Variants in NMNAT1 observed in about 807,000 individuals in gnomAD.
NMNAT1 encodes the protein nicotinamide nucleotide adenylyltransferase 1, also known as nicotinamide/nicotinic acid mononucleotide adenylyltransferase 1.
A neutral mutation model predicts 16.7 loss-of-function variants in NMNAT1; 11 were observed. The observed-to-expected ratio is 0.66, with a 90% CI of 0.41 to 1.09. NMNAT1 has a LOEUF of 1.09. NMNAT1 is among the 50% of genes least tolerant of loss of function. The pLI, the probability that NMNAT1 is intolerant of heterozygous loss-of-function variation, is 0.00. For missense variants in NMNAT1, 280 were observed against 332.3 expected (o/e 0.84, Z 1.22); for synonymous variants, 110 against 119.8 (o/e 0.92, Z 0.53).
chr1:9,956,479 T>C (rs567409253), intron 1 of NMNAT1, among the ~76,000 whole-genome samples: 1 of 149,632 alleles, frequency 6.7e-6, no homozygotes, highest in East Asian at 2.0e-4. Context: ...TGGAGTGCAG[T>C]TGTATGATCT....
intron 1 of NMNAT1, chr1:9,951,129 C>T (rs1641099652): frequency 1.3e-5 from 2 of 151,812 alleles, no homozygotes; most frequent in African/African-American, 2.4e-5. Context: ...TAATATTCTC[C>T]TTGCAACATC....
intron 1 of NMNAT1, among the ~76,000 whole-genome samples, chr1:9,946,721 G>A (rs1332640305): frequency 1.3e-5 from 2 of 152,088 alleles, no homozygotes; most frequent in Non-Finnish European, 1.5e-5. Flanking sequence ...GTTAAATGAG[G>A]TCATAAGTGT....
chr1:9,955,319 G>A (rs189085029), intron 1 of NMNAT1, among the ~76,000 whole-genome samples: 41 of 147,514 alleles, frequency 2.8e-4, no homozygotes, highest in East Asian at 1.0e-3. Flanking sequence ...CAGGAGAATC[G>A]CTTGAACCCG....
chr1:9,990,037 GCCAGCGCCAAAGTGGCTGGCTAGTT>G (rs963450564), downstream of NMNAT1, among the ~76,000 whole-genome samples: 2 of 152,216 alleles, frequency 1.3e-5, no homozygotes, highest in African/African-American at 2.4e-5. Context: ...AATGGCCCCT[GCCAGCGCCAAAGTGGCTGGCTAGTT>G]CCAGCGCCCC....
chr1:9,951,997 A>G (rs1434219083), intron 1 of NMNAT1, among the ~76,000 whole-genome samples: 1 of 152,146 alleles, frequency 6.6e-6, no homozygotes, highest in Non-Finnish European at 1.5e-5. Flanking sequence ...AAACTTTCAG[A>G]TTAAGATAAG....
chr1:9,987,411 A>C (rs561432304), downstream of NMNAT1, among the ~76,000 whole-genome samples: 71 of 151,912 alleles, frequency 4.7e-4, no homozygotes, highest in African/African-American at 1.5e-3. Flanking sequence ...GAGGCCGAGG[A>C]GGGCAGATCA....
At chr1:9,974,758 A>G (rs980909586) in intron 2 of NMNAT1, among the ~76,000 whole-genome samples, 1 of 151,852 alleles carries the variant, frequency 6.6e-6, no homozygotes, top group African/African-American at 2.4e-5. Flanking sequence ...TCCTGGGCTC[A>G]AGTGATTCTC....
At position 9,982,166 on chromosome 1, in the gene NMNAT1, G is replaced by A. The variant is rs368673888; in HGVS notation, c.440-135G>A. On this transcript the variant is annotated intron_variant, in intron 4 of 4. Transcript: ENST00000377205. ...GCTAGAGCCACCGCACTCGGCCTAA[G>A]CCCTCATCCTTGAAAAGCACATACG... 1.5e-4 allele frequency: 176 copies of A among 1,210,444 alleles called. 1 individual carries two copies. In the African/African-American group the frequency reaches 2.3e-3, roughly 16 times the overall value. The allele number at this position is 1,210,444 out of a possible 1,614,324, so 75.0% of individuals were successfully genotyped here.
chr1:9,987,376 C>T (rs1334794596), downstream of NMNAT1, among the ~76,000 whole-genome samples: 1 of 152,022 alleles, frequency 6.6e-6, no homozygotes, highest in African/African-American at 2.4e-5. Flanking sequence ...CGCAGTGGCT[C>T]ACGCCTGTAA....
At position 9,970,418 on chromosome 1, in the gene NMNAT1, G is replaced by C. The variant is rs191615885; in HGVS notation, c.-56-1600G>C. Reference sequence around the variant, plus strand: ...TAGTTGAATAAGAAATTTTAGGCCAGGCGCAGTGGCTCACGCCTGTAATCC... The same window carrying C: ...TAGTTGAATAAGAAATTTTAGGCCACGCGCAGTGGCTCACGCCTGTAATCC... On this transcript the variant is annotated intron_variant, in intron 1 of 4. Transcript: ENST00000377205. 2.8e-3 allele frequency among the ~76,000 whole-genome samples: 426 copies of C among 152,236 alleles called. 2 individuals are homozygous for C. Among genetic ancestry groups the C allele is most frequent in the Non-Finnish European group, 4.6e-3 (315 of 68,020 alleles).
chr1:9,975,717 G>T lies in NMNAT1; in HGVS notation c.241G>T (p.Glu81Ter). The stretch of plus-strand genomic sequence containing the variant: ...TGCTACCAAGAATTCTAAATGGGTG[G>T]AAGTTGATACATGGGAAAGTCTTCA... ...ELATKNSKWV[E>*]VDTWESLQKE... Residue 81 changes from glutamate (E) to a stop codon, truncating the protein, a stop_gained, in exon 3 of 5, where the codon GAA becomes TAA. Transcript: ENST00000377205. LOFTEE classifies it high-confidence loss of function. 1 of 1,614,112 alleles carries T rather than the reference G, an allele frequency of 6.2e-7. No individual in the cohort carries two copies. Among genetic ancestry groups the T allele is most frequent in the African/African-American group, 1.3e-5 (1 of 75,050 alleles).
At position 9,985,075 on chromosome 1, in the gene NMNAT1, G is replaced by A. The variant is rs948156731; in HGVS notation, c.*2374G>A. On this transcript the variant is annotated 3_prime_UTR_variant, in exon 5 of 5. Transcript: ENST00000377205. ...ATATGATGAAATAGCCTCCTTTAAC[G>A]TTTATTTCTGGGTGCCAACGGAGGC... 8.5e-5 allele frequency: 13 copies of A among 152,066 alleles called. No individual in the cohort carries two copies. Among genetic ancestry groups the A allele is most frequent in the African/African-American group, 2.9e-4 (12 of 41,416 alleles). The allele number at this position is 152,066 out of a possible 1,614,324, so 9.4% of individuals were successfully genotyped here.
At chr1:9,980,614 C>G (rs2101712161) in intron 3 of NMNAT1, among the ~76,000 whole-genome samples, 1 of 151,884 alleles carries the variant, frequency 6.6e-6, no homozygotes, top group Non-Finnish European at 1.5e-5. Context: ...GAGCAAGACA[C>G]CATCTCAAAA....
At chr1:9,990,607 G>A in the NMNAT1 span, among the ~76,000 whole-genome samples, 1 of 152,182 alleles carries the variant, frequency 6.6e-6, no homozygotes, top group Non-Finnish European at 1.5e-5. Context: ...TATTGGCATT[G>A]CATTCTTGCA....
intron 3 of NMNAT1, among the ~76,000 whole-genome samples, chr1:9,976,182 G>A (rs1641809641): frequency 1.3e-5 from 2 of 151,752 alleles, no homozygotes; most frequent in South Asian, 4.2e-4. Context: ...AGCTACTTGG[G>A]AGGCTGAGGC....
the NMNAT1 span, among the ~76,000 whole-genome samples, chr1:9,991,781 GAGTA>G: frequency 1.3e-5 from 2 of 152,124 alleles, no homozygotes; most frequent in African/African-American, 4.8e-5. Context: ...ATGTGATGTG[GAGTA>G]AGTGTGTATT....
the NMNAT1 span, among the ~76,000 whole-genome samples, chr1:9,995,965 G>A: frequency 1.3e-5 from 2 of 149,306 alleles, no homozygotes; most frequent in Admixed American, 6.7e-5. Flanking sequence ...GGAGGCGGAG[G>A]TTGCAGTGAG....
At chr1:9,964,348 G>C (rs1366303039) in intron 1 of NMNAT1, among the ~76,000 whole-genome samples, 1 of 151,312 alleles carries the variant, frequency 6.6e-6, no homozygotes, top group South Asian at 2.1e-4. Flanking sequence ...GCAGAGCCTG[G>C]GCAACAAAAT....
chr1:9,957,446 G>A (rs1055534134), intron 1 of NMNAT1, among the ~76,000 whole-genome samples: 2 of 151,396 alleles, frequency 1.3e-5, no homozygotes, highest in African/African-American at 2.4e-5. Context: ...TGAGCCTCCC[G>A]AGTAGCTGGA....
Sources: allele counts gnomAD v4.1 joint callset (sites outside exome capture counted in the v4.1 genomes callset), GRCh38; gene constraint gnomAD v4.1.1; transcripts MANE v1.5; gene names NCBI Gene and HGNC (gene_info 2026-07-23, HGNC 2026-07-21).